ATP6V0E1: variants seen among roughly 807,000 people sequenced by gnomAD.
ATP6V0E1 encodes V-type proton ATPase subunit e 1.
ATP6V0E1 carries 4 observed loss-of-function variants against 11.6 expected under a neutral mutation model. That is an observed-to-expected ratio of 0.35 (90% confidence interval 0.17 to 0.79). ATP6V0E1 has a LOEUF of 0.79. ATP6V0E1 is among the 30% of genes least tolerant of loss of function. The pLI, the probability that ATP6V0E1 is intolerant of heterozygous loss-of-function variation, is 0.54. For synonymous variants in ATP6V0E1, 36 were observed against 34.8 expected, an observed-to-expected ratio of 1.04 and a Z score of -0.13; for missense variants, 105 against 100.0, an observed-to-expected ratio of 1.05 and a Z score of -0.21.
chr5:173,031,275 G>C (rs943538769), intron 3 of ATP6V0E1, among the ~76,000 whole-genome samples: 1 of 151,504 alleles, frequency 6.6e-6, no homozygotes, highest in Non-Finnish European at 1.5e-5. Flanking sequence ...AGTAGAGATG[G>C]GGTACATCAT....
At chr5:172,994,351 C>G (rs1756030071) in intron 1 of ATP6V0E1, among the ~76,000 whole-genome samples, 1 of 152,154 alleles carries the variant, frequency 6.6e-6, no homozygotes, top group African/African-American at 2.4e-5. Context: ...GATGAGAGAT[C>G]AAAGTGTAAC....
chr5:173,016,328 G>A (rs964850270), intron 2 of ATP6V0E1, among the ~76,000 whole-genome samples: 1 of 152,218 alleles, frequency 6.6e-6, no homozygotes, highest in East Asian at 1.9e-4. Flanking sequence ...TGTTGGTGGG[G>A]AGAAATCCCC....
At chr5:173,012,556 C>T (rs1756344028) in intron 2 of ATP6V0E1, among the ~76,000 whole-genome samples, 1 of 151,502 alleles carries the variant, frequency 6.6e-6, no homozygotes, top group Admixed American at 6.6e-5. Flanking sequence ...ATTTTGAGAC[C>T]AGCCTGACCA....
chr5:172,990,432 A>G (rs562109692), intron 1 of ATP6V0E1, among the ~76,000 whole-genome samples: 43 of 152,330 alleles, frequency 2.8e-4, no homozygotes, highest in Admixed American at 8.5e-4. Flanking sequence ...AGAAAAGGAA[A>G]GAGCGCAGAG....
chr5:173,012,845 T>C (rs1418117395), intron 2 of ATP6V0E1, among the ~76,000 whole-genome samples: 1 of 151,516 alleles, frequency 6.6e-6, no homozygotes, highest in East Asian at 1.9e-4. Flanking sequence ...AGAGCATTGG[T>C]CTAGGCAAAA....
chr5:172,995,529 G>T (rs768904801), intron 2 of ATP6V0E1, among the ~76,000 whole-genome samples: 3 of 152,202 alleles, frequency 2.0e-5, no homozygotes, highest in Non-Finnish European at 4.4e-5. Context: ...TTATAACCAA[G>T]TAGACTAAGG....
At chr5:173,031,359 C>T (rs1019123355) in intron 3 of ATP6V0E1, among the ~76,000 whole-genome samples, 2 of 149,882 alleles carry the variant, frequency 1.3e-5, no homozygotes, top group African/African-American at 4.9e-5. Flanking sequence ...ACTGGGATTA[C>T]AGGCATGAGC....
intron 2 of ATP6V0E1, among the ~76,000 whole-genome samples, chr5:173,016,614 A>G (rs1315454374): frequency 6.6e-6 from 1 of 152,122 alleles, no homozygotes; most frequent in Non-Finnish European, 1.5e-5. Flanking sequence ...ATTTCTAGGC[A>G]TTGGCCAGTT....
intron 1 of ATP6V0E1, among the ~76,000 whole-genome samples, chr5:172,992,073 C>T (rs920499499): frequency 4.0e-5 from 6 of 150,780 alleles, no homozygotes; most frequent in African/African-American, 7.3e-5. Flanking sequence ...TTTTTTGAGA[C>T]GGAGTCTCGC....
intron 2 of ATP6V0E1, among the ~76,000 whole-genome samples, chr5:173,015,050 G>A (rs1171831971): frequency 2.0e-5 from 3 of 152,170 alleles, no homozygotes; most frequent in Non-Finnish European, 4.4e-5. Flanking sequence ...AGTGCTCAGT[G>A]GATGGATTCT....
At chr5:173,031,165 C>T (rs1186280739) in intron 3 of ATP6V0E1, among the ~76,000 whole-genome samples, 2 of 151,798 alleles carry the variant, frequency 1.3e-5, no homozygotes, top group Non-Finnish European at 2.9e-5. Flanking sequence ...AGGATGGTCT[C>T]GATCTCCTGA....
At chr5:172,989,090 TTGGGAGGCTGAGG>T (rs1208249291) in intron 1 of ATP6V0E1, among the ~76,000 whole-genome samples, 1 of 152,112 alleles carries the variant, frequency 6.6e-6, no homozygotes, top group Non-Finnish European at 1.5e-5. Flanking sequence ...CACCGGCACT[TTGGGAGGCTGAGG>T]TGGGAGGATC....
At chr5:173,008,075 G>GCCTGGAGGT (rs908096810) in intron 2 of ATP6V0E1, among the ~76,000 whole-genome samples, 5 of 152,126 alleles carry the variant, frequency 3.3e-5, no homozygotes, top group African/African-American at 1.2e-4. Flanking sequence ...GCGACCTCCG[G>GCCTGGAGGT]CCTACGCCTG....
intron 3 of ATP6V0E1, among the ~76,000 whole-genome samples, chr5:173,031,252 G>T (rs1339479941): frequency 6.6e-6 from 1 of 150,678 alleles, no homozygotes; most frequent in African/African-American, 2.4e-5. Context: ...CCTAATTTTT[G>T]TATTTTTTTT....
At chr5:173,017,642 AC>A (rs1464680360) in intron 2 of ATP6V0E1, among the ~76,000 whole-genome samples, 1 of 151,996 alleles carries the variant, frequency 6.6e-6, no homozygotes, top group African/African-American at 2.4e-5. Context: ...GGAGTTCGAC[AC>A]CAGCCTGGCC....
intron 2 of ATP6V0E1, among the ~76,000 whole-genome samples, chr5:172,995,943 G>C (rs926120551): frequency 6.6e-6 from 1 of 152,152 alleles, no homozygotes; most frequent in African/African-American, 2.4e-5. Context: ...TAGAACCAGT[G>C]ATTCTCTTTT....
chr5:172,999,967 T>C (rs1159361471), intron 2 of ATP6V0E1, among the ~76,000 whole-genome samples: 1 of 152,186 alleles, frequency 6.6e-6, no homozygotes, highest in African/African-American at 2.4e-5. Flanking sequence ...ACACACCTTA[T>C]TCCACAAAAG....
chr5:173,025,504 C>CTTTTT lies in ATP6V0E1; in HGVS notation c.*36+5160_*36+5164dup, dbSNP rs60822937. 1.1e-4 allele frequency among the ~76,000 whole-genome samples: 7 copies of CTTTTT among 65,568 alleles called. 1 individual carries two copies. Among genetic ancestry groups the CTTTTT allele is most frequent in the African/African-American group, 1.4e-4 (2 of 13,970 alleles). The allele number at this position is 65,568 out of a possible 152,430, so 43.0% of individuals were successfully genotyped here. On this transcript the variant is annotated intron_variant, in intron 3 of 3. Coordinates refer to ENST00000519374, the MANE Select transcript of ATP6V0E1 (RefSeq NM_003945.4). ...ATTATTCTACAATGTATATAAAATA[C>CTTTTT]TTTTTTTTTTTTTTTTTTTTTTTTT...
intron 1 of ATP6V0E1, among the ~76,000 whole-genome samples, chr5:172,989,525 T>C (rs1755947537): frequency 6.6e-6 from 1 of 150,446 alleles, no homozygotes; most frequent in Non-Finnish European, 1.5e-5. Context: ...ATCTCCTTAC[T>C]GAAGATTTTT....
Sources: allele counts gnomAD v4.1 joint callset (sites outside exome capture counted in the v4.1 genomes callset), GRCh38; gene constraint gnomAD v4.1.1; transcripts MANE v1.5; gene names NCBI Gene and HGNC (gene_info 2026-07-23, HGNC 2026-07-21).